CREBL2: variants seen among roughly 807,000 people sequenced by gnomAD.
The protein encoded by CREBL2 is cAMP responsive element binding protein like 2.
A neutral mutation model predicts 19.5 loss-of-function variants in CREBL2; 4 were observed. The observed-to-expected ratio is 0.20, with a 90% CI of 0.10 to 0.47. The LOEUF is 0.47. Ranked by LOEUF, CREBL2 falls within the 20% of genes least tolerant of loss-of-function variation. The pLI is 0.98. For missense variants in CREBL2, 85 were observed against 145.1 expected (o/e 0.59, Z 2.13); for synonymous variants, 42 against 46.6 (o/e 0.90, Z 0.40).
At chr12:12,627,015 A>C (rs961399163) in intron 1 of CREBL2, among the ~76,000 whole-genome samples, 3 of 152,182 alleles carry the variant, frequency 2.0e-5, no homozygotes, top group Admixed American at 2.0e-4. Context: ...GATAGTAAAA[A>C]GTTCAGTGAT....
At chr12:12,629,697 G>GA (rs1945428181) in intron 1 of CREBL2, among the ~76,000 whole-genome samples, 1 of 152,112 alleles carries the variant, frequency 6.6e-6, no homozygotes, top group South Asian at 2.1e-4. Flanking sequence ...ATCTTTGGGG[G>GA]AAAGCATTCA....
chr12:12,640,708 C>T lies in CREBL2; in HGVS notation c.359-1286C>T, dbSNP rs974622636. ...CTTCACAATTTATGTTCCTCTGCCG[C>T]GGCTCCAGCCGGTCCCTCTGTTCAG... is the stretch of plus-strand genomic sequence containing the variant. On this transcript the variant is annotated intron_variant, in intron 3 of 3. Transcript: ENST00000228865. Among the ~76,000 whole-genome samples, 5 of 152,196 alleles carry T rather than the reference C, an allele frequency of 3.3e-5. No individual in the cohort carries two copies. In the South Asian group the frequency reaches 6.2e-4, roughly 19 times the overall value.
intron 1 of CREBL2, among the ~76,000 whole-genome samples, chr12:12,624,461 G>A (rs1945384762): frequency 1.3e-5 from 2 of 152,160 alleles, no homozygotes; most frequent in African/African-American, 4.8e-5. Context: ...CCCTTTCACG[G>A]GACTCACAAC....
chr12:12,614,953 AT>A (rs1199648249), intron 1 of CREBL2: 6 of 203,018 alleles, frequency 3.0e-5, no homozygotes, highest in Admixed American at 5.5e-5. Flanking sequence ...TACCTCCTGG[AT>A]TTAAGCGATT....
intron 1 of CREBL2, among the ~76,000 whole-genome samples, chr12:12,618,119 C>T (rs892672145): frequency 2.6e-5 from 4 of 152,242 alleles, no homozygotes; most frequent in Non-Finnish European, 4.4e-5. Flanking sequence ...CCCACATTTC[C>T]CCCTTTTCTA....
chr12:12,630,009 A>C (rs908099660), intron 1 of CREBL2, among the ~76,000 whole-genome samples: 15 of 152,102 alleles, frequency 9.9e-5, no homozygotes, highest in Non-Finnish European at 1.6e-4. Flanking sequence ...TCAGCCTTCT[A>C]GTATTTTATT....
rs1368589831 is a variant in CREBL2, at chr12:12,644,300, A to T, written c.*2302A>T. 6.6e-6 allele frequency: 1 copy of T among 152,194 alleles called. No homozygotes were observed. The highest frequency in any genetic ancestry group is 2.4e-5 in the African/African-American group (1 of 41,442). 9.4% of individuals were successfully genotyped at this position (152,194 alleles called of 1,614,324 possible). A position where few individuals can be genotyped will look rare whatever the true frequency, so the allele number is the denominator to read the frequency against. On this transcript the variant is annotated 3_prime_UTR_variant, in exon 4 of 4. Transcript: ENST00000228865. The stretch of plus-strand genomic sequence containing the variant: ...TGGTCACTTTTGAAGCATGTTAATA[A>T]ATGTCACTGATTAAAACAGCTGGAG...
chr12:12,642,583 A>G lies in CREBL2; in HGVS notation c.*585A>G, dbSNP rs1418808464. On this transcript the variant is annotated 3_prime_UTR_variant, in exon 4 of 4. Transcript: ENST00000228865. Reference sequence around the variant, plus strand: ...TGAATATGTATTAACAAATATATACATTTCTATTTTTATAATCCATAAGGA... The same window carrying G: ...TGAATATGTATTAACAAATATATACGTTTCTATTTTTATAATCCATAAGGA... The G allele has an allele frequency of 6.6e-6, 1 of 152,578 alleles. No homozygotes were observed. The highest frequency in any genetic ancestry group is 2.4e-5 in the African/African-American group (1 of 41,460). 9.5% of individuals were successfully genotyped at this position (152,578 alleles called of 1,614,324 possible).
chr12:12,635,997 A>G lies in CREBL2; in HGVS notation c.213+23A>G, dbSNP rs1280050116. The G allele has an allele frequency of 3.8e-6, 6 of 1,596,558 alleles. No individual in the cohort carries two copies. In the Admixed American group the frequency reaches 1.0e-4, roughly 27 times the overall value. On this transcript the variant is annotated intron_variant, in intron 2 of 3. Coordinates refer to ENST00000228865, the MANE Select transcript of CREBL2 (RefSeq NM_001310.4). ...ATGGTAAGAAATCGTCAGTAAACAC[A>G]TGAAAAAATCACCTTAACAGTCAAA...
chr12:12,618,462 C>T (rs1945332230), intron 1 of CREBL2, among the ~76,000 whole-genome samples: 1 of 151,798 alleles, frequency 6.6e-6, no homozygotes, highest in South Asian at 2.1e-4. Context: ...CTCCCCACAT[C>T]TCAGACGTTG....
chr12:12,629,375 C>T (rs1425150721), intron 1 of CREBL2, among the ~76,000 whole-genome samples: 3 of 152,074 alleles, frequency 2.0e-5, no homozygotes, highest in Non-Finnish European at 4.4e-5. Flanking sequence ...CTTTTTTAGG[C>T]TACTGTAAGT....
At chr12:12,618,435 G>A (rs1945331571) in intron 1 of CREBL2, among the ~76,000 whole-genome samples, 1 of 151,386 alleles carries the variant, frequency 6.6e-6, no homozygotes, top group African/African-American at 2.4e-5. Context: ...CCCAGATGGG[G>A]TGGCGGGGCA....
chr12:12,638,446 GAA>G (rs888123705), intron 3 of CREBL2, among the ~76,000 whole-genome samples: 5 of 151,860 alleles, frequency 3.3e-5, no homozygotes, highest in African/African-American at 4.8e-5. Context: ...CAAAAAAAAA[GAA>G]AAAGAGAAAT....
Position 12,630,727 on chromosome 12 carries a change from C to T in CREBL2, c.16-5050C>T, listed in dbSNP as rs140986747. 1.4e-4 allele frequency among the ~76,000 whole-genome samples: 22 copies of T among 152,246 alleles called. No homozygotes were observed. In the East Asian group the frequency reaches 3.7e-3, roughly 25 times the overall value. On this transcript the variant is annotated intron_variant, in intron 1 of 3. Coordinates refer to ENST00000228865, the MANE Select transcript of CREBL2 (RefSeq NM_001310.4). ...AACCACCTTTCTTCTTTAAAACAAA[C>T]AAAAAGGTGTGTTCCGCTCCCTCTG...
Position 12,638,989 on chromosome 12 carries a change from T to C in CREBL2, c.358+1275T>C, listed in dbSNP as rs944250950. The stretch of plus-strand genomic sequence containing the variant: ...CCCATTACCCACTTCCCCCAACCCC[T>C]GGCAACCATGAATCTACTTTCTGTC... On this transcript the variant is annotated intron_variant, in intron 3 of 3. Coordinates refer to ENST00000228865, the MANE Select transcript of CREBL2 (RefSeq NM_001310.4). 4.6e-5 allele frequency among the ~76,000 whole-genome samples: 7 copies of C among 152,172 alleles called. 1 individual carries two copies. Among genetic ancestry groups the C allele is most frequent in the African/African-American group, 1.7e-4 (7 of 41,446 alleles).
rs899555526 is a variant in CREBL2 at position 12,643,022 on chromosome 12, A to C, written c.*1024A>C. 1 of 152,622 alleles carries C rather than the reference A, an allele frequency of 6.6e-6. No homozygotes were observed. Among genetic ancestry groups the C allele is most frequent in the Non-Finnish European group, 1.5e-5 (1 of 68,030 alleles). 9.5% of individuals were successfully genotyped at this position (152,622 alleles called of 1,614,324 possible). A position where few individuals can be genotyped will look rare whatever the true frequency, so the allele number is the denominator to read the frequency against. ...AAAGGGACAAATTGCTGGTAGATCT[A>C]CTGACTGTAGCCATCACCAGAACAC... On this transcript the variant is annotated 3_prime_UTR_variant, in exon 4 of 4. Transcript: ENST00000228865.
chr12:12,620,896 G>A lies in CREBL2; in HGVS notation c.15+8709G>A, dbSNP rs80334446. The stretch of plus-strand genomic sequence containing the variant: ...ACAATACAGTGAGGTAGAAAATGAG[G>A]GCAATAGAGGCAAAGTTCTTTTGGG... On this transcript the variant is annotated intron_variant, in intron 1 of 3. Coordinates refer to ENST00000228865, the MANE Select transcript of CREBL2 (RefSeq NM_001310.4). 4.5e-3 allele frequency among the ~76,000 whole-genome samples: 678 copies of A among 152,178 alleles called. 2 individuals are homozygous for A. Among genetic ancestry groups the A allele is most frequent in the Non-Finnish European group, 7.7e-3 (526 of 68,000 alleles).
chr12:12,620,147 C>G (rs1443980366), intron 1 of CREBL2, among the ~76,000 whole-genome samples: 1 of 152,208 alleles, frequency 6.6e-6, no homozygotes, highest in African/African-American at 2.4e-5. Flanking sequence ...CACATCAACA[C>G]TTTCTAGAAG....
chr12:12,641,247 ATTATTATTTTTTTTTATTT>A (rs1477045971), intron 3 of CREBL2, among the ~76,000 whole-genome samples: 1 of 22,068 alleles, frequency 4.5e-5, no homozygotes, highest in Non-Finnish European at 1.3e-4. Flanking sequence ...TATTATTATT[ATTATTATTTTTTTTTATTT>A]TTTTTTTTTT....
Sources: gnomAD v4.1 joint callset for allele counts (sites outside exome capture counted in the v4.1 genomes callset) on GRCh38, gnomAD v4.1.1 for gene constraint, MANE v1.5 for transcripts, NCBI Gene and HGNC (gene_info 2026-07-23, HGNC 2026-07-21) for gene names.